The following ATP8A2 variants were observed in gnomAD, a reference collection of about 807,000 sequenced individuals.
ATP8A2 encodes ATPase phospholipid transporting 8A2.
Under a neutral mutation model 165.6 loss-of-function variants are expected in ATP8A2, and 100 were observed. The observed-to-expected ratio is 0.60, with a 90% CI of 0.51 to 0.71. The LOEUF (loss-of-function observed/expected upper bound fraction) is 0.71. ATP8A2 is among the 30% of genes least tolerant of loss of function. ATP8A2 has a pLI of 0.00. For missense variants in ATP8A2, 1,227 were observed against 1,479.5 expected (o/e 0.83, Z 2.80); for synonymous variants, 543 against 548.8 (o/e 0.99, Z 0.15).
intron 4 of ATP8A2, among the ~76,000 whole-genome samples, chr13:25,531,622 A>C (rs1009142196): frequency 2.0e-5 from 3 of 151,894 alleles, no homozygotes; most frequent in African/African-American, 4.8e-5. Flanking sequence ...CCCTAAATCC[A>C]AAAACCCCAA....
In ATP8A2 at chr13:25,992,245, G is replaced by A. The variant is rs1198679738; in HGVS notation, c.3378-20286G>A. On this transcript the variant is annotated intron_variant, in intron 35 of 36. Coordinates refer to ENST00000381655, the MANE Select transcript of ATP8A2 (RefSeq NM_016529.6). ...TTTTTTTTTTTTTTTTTTAATTTTA[G>A]CCATAGGGATTGCTGCTTAGTGATC... Among the ~76,000 whole-genome samples the A allele has an allele frequency of 2.2e-5, 3 of 136,586 alleles. No individual in the cohort carries two copies. The East Asian group carries it at 6.6e-4, about 30-fold the overall frequency. The allele number at this position is 136,586 out of a possible 152,430, so 89.6% of individuals were successfully genotyped here.
intron 24 of ATP8A2, among the ~76,000 whole-genome samples, chr13:25,590,269 G>T (rs532705267): frequency 6.6e-6 from 1 of 151,990 alleles, no homozygotes; most frequent in Non-Finnish European, 1.5e-5. Flanking sequence ...TACAAAAAAT[G>T]GAAAAATTGG....
chr13:25,414,755 G>A (rs1207267515), intron 1 of ATP8A2, among the ~76,000 whole-genome samples: 1 of 152,178 alleles, frequency 6.6e-6, no homozygotes, highest in Non-Finnish European at 1.5e-5. Context: ...TACACATGAT[G>A]CTGAATTTCA....
intron 16 of ATP8A2, chr13:25,567,114 T>A: frequency 3.2e-6 from 1 of 310,744 alleles, no homozygotes; most frequent in Non-Finnish European, 6.4e-6. Context: ...GGGATTCTAG[T>A]GTTTGAAAGA....
At chr13:25,397,562 C>A (rs911077142) in intron 1 of ATP8A2, among the ~76,000 whole-genome samples, 1 of 152,112 alleles carries the variant, frequency 6.6e-6, no homozygotes, top group Non-Finnish European at 1.5e-5. Flanking sequence ...ACCCATTTTT[C>A]TCTTCACTGG....
intron 1 of ATP8A2, among the ~76,000 whole-genome samples, chr13:25,373,035 A>G (rs555779965): frequency 6.6e-6 from 1 of 152,350 alleles, no homozygotes; most frequent in Admixed American, 6.5e-5. Context: ...TTCTATGATT[A>G]TAGAACACAT....
intron 25 of ATP8A2, among the ~76,000 whole-genome samples, chr13:25,742,681 CTTTT>C (rs11395602): frequency 4.6e-5 from 6 of 130,712 alleles, no homozygotes; most frequent in African/African-American, 1.8e-4. Context: ...CTCTCTCTGT[CTTTT>C]TTTTTTTTTT....
intron 25 of ATP8A2, among the ~76,000 whole-genome samples, chr13:25,733,036 A>C (rs1182029946): frequency 6.6e-6 from 1 of 152,228 alleles, no homozygotes. Flanking sequence ...TCTAAGAATA[A>C]GAAGCTATTA....
chr13:25,481,648 C>T lies in ATP8A2; in HGVS notation c.221+12527C>T, dbSNP rs118157737. Among the ~76,000 whole-genome samples, 93 of 152,284 alleles carry T rather than the reference C, an allele frequency of 6.1e-4. No individual in the cohort carries two copies. The East Asian group carries it at 0.016, about 26-fold the overall frequency. The stretch of plus-strand genomic sequence containing the variant: ...CTGCCATAGCAAAATACATAGACTG[C>T]GGGGGCGTAAGCAGGTGTTCGTCTT... On this transcript the variant is annotated intron_variant, in intron 2 of 36. Coordinates refer to ENST00000381655, the MANE Select transcript of ATP8A2 (RefSeq NM_016529.6).
At chr13:25,630,329 A>G (rs144992559) in intron 24 of ATP8A2, among the ~76,000 whole-genome samples, 44 of 152,266 alleles carry the variant, frequency 2.9e-4, no homozygotes, top group Admixed American at 5.2e-4. Context: ...CACTCCAGAT[A>G]TTGTTGCGTG....
chr13:25,449,729 T>C (rs2035162088), intron 1 of ATP8A2, among the ~76,000 whole-genome samples: 1 of 152,234 alleles, frequency 6.6e-6, no homozygotes, highest in African/African-American at 2.4e-5. Flanking sequence ...ATATCTGTTA[T>C]TAAATGCATA....
chr13:25,794,322 G>A (rs1210200932), intron 27 of ATP8A2, among the ~76,000 whole-genome samples: 2 of 152,202 alleles, frequency 1.3e-5, no homozygotes, highest in Non-Finnish European at 2.9e-5. Context: ...CTATGCAGTG[G>A]AATATTACTT....
intron 35 of ATP8A2, among the ~76,000 whole-genome samples, chr13:26,007,925 T>G (rs918183392): frequency 3.3e-5 from 5 of 152,014 alleles, no homozygotes; most frequent in Non-Finnish European, 4.4e-5. Context: ...CTAGAAAAAT[T>G]TTTCTCCTTA....
At chr13:25,687,881 G>A (rs2042636210) in intron 24 of ATP8A2, among the ~76,000 whole-genome samples, 1 of 152,126 alleles carries the variant, frequency 6.6e-6, no homozygotes, top group Admixed American at 6.5e-5. Context: ...CTTCCATACT[G>A]TGGTGGGTGA....
intron 27 of ATP8A2, among the ~76,000 whole-genome samples, chr13:25,790,926 G>A (rs1045245473): frequency 5.9e-5 from 9 of 152,180 alleles, no homozygotes; most frequent in African/African-American, 2.2e-4. Context: ...CTTATACACT[G>A]TTGGTGGGAG....
At chr13:25,654,677 TA>T (rs1224959006) in intron 24 of ATP8A2, among the ~76,000 whole-genome samples, 4 of 152,164 alleles carry the variant, frequency 2.6e-5, no homozygotes, top group Admixed American at 2.6e-4. Context: ...GTTCTGTCCT[TA>T]GTCTGTGCCC....
At chr13:25,899,669 TCAGA>T (rs1953674927) in intron 33 of ATP8A2, among the ~76,000 whole-genome samples, 1 of 151,782 alleles carries the variant, frequency 6.6e-6, no homozygotes, top group South Asian at 2.1e-4. Flanking sequence ...AGGGCCACAG[TCAGA>T]CAGGCAGGAA....
At chr13:25,873,946 T>C (rs531335575) in intron 33 of ATP8A2, 25 of 152,734 alleles carry the variant, frequency 1.6e-4, no homozygotes, top group African/African-American at 5.8e-4. Context: ...TAAGTATCTC[T>C]TAAATATATC....
At chr13:25,619,084 C>T (rs950431593) in intron 24 of ATP8A2, among the ~76,000 whole-genome samples, 3 of 152,122 alleles carry the variant, frequency 2.0e-5, no homozygotes, top group African/African-American at 4.8e-5. Context: ...AAGGGATTCT[C>T]AGGTAAACTG....
Sources: gnomAD v4.1 joint callset for allele counts (sites outside exome capture counted in the v4.1 genomes callset) on GRCh38, gnomAD v4.1.1 for gene constraint, MANE v1.5 for transcripts, NCBI Gene and HGNC (gene_info 2026-07-23, HGNC 2026-07-21) for gene names.